The following FHDC1 variants were observed in gnomAD, a reference collection of about 807,000 sequenced individuals.
The protein encoded by FHDC1 is FH2 domain-containing protein 1.
FHDC1 carries 25 observed loss-of-function variants against 52.6 expected under a neutral mutation model. That is an observed-to-expected ratio of 0.48 (90% confidence interval 0.35 to 0.66). The LOEUF is 0.66. FHDC1 is among the 30% of genes least tolerant of loss of function. The pLI is 0.01. For missense variants in FHDC1, 1,459 were observed against 1,452.8 expected (o/e 1.00, Z -0.07); for synonymous variants, 616 against 581.5 (o/e 1.06, Z -0.85).
the FHDC1 span, among the ~76,000 whole-genome samples, chr4:152,916,275 T>G: frequency 6.6e-6 from 1 of 152,298 alleles, no homozygotes; most frequent in African/African-American, 2.4e-5. Context: ...GAACTTATGT[T>G]TTTTTAGGTA....
intron 1 of FHDC1, among the ~76,000 whole-genome samples, chr4:152,942,443 G>T (rs954927336): frequency 6.6e-6 from 1 of 152,100 alleles, no homozygotes; most frequent in Non-Finnish European, 1.5e-5. Context: ...ATCTCCAAAT[G>T]CCCTGTCTTA....
intron 4 of FHDC1, among the ~76,000 whole-genome samples, chr4:152,959,544 A>G (rs1465425016): frequency 1.3e-5 from 2 of 152,234 alleles, no homozygotes; most frequent in Non-Finnish European, 2.9e-5. Context: ...AAAATAGCAG[A>G]CAACTGTAAT....
At chr4:152,940,677 T>C (rs1264709038) in intron 1 of FHDC1, among the ~76,000 whole-genome samples, 1 of 152,236 alleles carries the variant, frequency 6.6e-6, no homozygotes, top group Admixed American at 6.5e-5. Flanking sequence ...TTATCACCAT[T>C]CTTAACAGGG....
At chr4:152,967,072 A>G (rs1044504660) in intron 9 of FHDC1, among the ~76,000 whole-genome samples, 6 of 152,098 alleles carry the variant, frequency 3.9e-5, no homozygotes, top group African/African-American at 1.4e-4. Context: ...GTGAGCCATG[A>G]TCTTGCCACT....
At chr4:152,920,130 T>G in the FHDC1 span, among the ~76,000 whole-genome samples, 3 of 151,910 alleles carry the variant, frequency 2.0e-5, no homozygotes, top group African/African-American at 7.3e-5. Flanking sequence ...TGTATTTTAG[T>G]AGAGACAGGG....
chr4:152,976,222 C>G lies in FHDC1; in HGVS notation c.2931C>G (p.Pro977=). ...CGGGGAGGGACGTTCCCCTGCAGCC[C>G]AGGGGTTCTTTCAAGAAGCCCAGTG... The part of the protein sequence containing the change: ...TRPGRDVPLQ[P]RGSFKKPSAK... Residue 977 remains proline (P), a synonymous_variant, in exon 12 of 12, where the codon CCC becomes CCG. Coordinates refer to ENST00000511601, the MANE Select transcript of FHDC1 (RefSeq NM_001371116.1). 6.2e-7 allele frequency: 1 copy of G among 1,613,070 alleles called. No individual in the cohort carries two copies. The highest frequency in any genetic ancestry group is 8.5e-7 in the Non-Finnish European group (1 of 1,179,878).
In FHDC1 at chr4:152,979,076, G is replaced by A. The variant is rs1740995242; in HGVS notation, c.*2353G>A. 6.6e-6 allele frequency: 1 copy of A among 152,270 alleles called. No individual in the cohort carries two copies. The highest frequency in any genetic ancestry group is 2.4e-5 in the African/African-American group (1 of 41,458). 9.4% of individuals were successfully genotyped at this position (152,270 alleles called of 1,614,324 possible). A position where few individuals can be genotyped will look rare whatever the true frequency, so the allele number is the denominator to read the frequency against. ...GGAAAATGGATGCAAGTGATTCTAA[G>A]TTTGTGGATTTGTGGATAGCAGAGG... On this transcript the variant is annotated 3_prime_UTR_variant, in exon 12 of 12. Transcript: ENST00000511601.
the FHDC1 span, among the ~76,000 whole-genome samples, chr4:152,914,184 TTAAAA>T: frequency 6.6e-5 from 10 of 152,222 alleles, no homozygotes; most frequent in African/African-American, 2.2e-4. Context: ...GCAGGACCTA[TTAAAA>T]TAGGACAATG....
At chr4:152,934,920 GA>G (rs1206506014), upstream of FHDC1, among the ~76,000 whole-genome samples, 1 of 152,164 alleles carries the variant, frequency 6.6e-6, no homozygotes, top group East Asian at 1.9e-4. Flanking sequence ...GACAGTAAGA[GA>G]AAAGAAGATG....
At chr4:152,939,813 G>A (rs1439966807) in intron 1 of FHDC1, among the ~76,000 whole-genome samples, 1 of 152,146 alleles carries the variant, frequency 6.6e-6, no homozygotes, top group Non-Finnish European at 1.5e-5. Flanking sequence ...TCATCCTGTT[G>A]CTGAGGTTTC....
At chr4:152,944,378 C>T (rs1188625800) in intron 2 of FHDC1, among the ~76,000 whole-genome samples, 1 of 151,828 alleles carries the variant, frequency 6.6e-6, no homozygotes, top group Admixed American at 6.6e-5. Flanking sequence ...GCTGCCCCGC[C>T]CACATGCACA....
chr4:152,964,242 A>G (rs1178570017), intron 8 of FHDC1, among the ~76,000 whole-genome samples: 1 of 152,172 alleles, frequency 6.6e-6, no homozygotes, highest in Admixed American at 6.5e-5. Context: ...TATTATTACT[A>G]TATTCTTCAG....
In FHDC1 at chr4:152,957,599, G is replaced by GCA. The variant is rs1403287160; in HGVS notation, c.664-2965_664-2964insAC. Among the ~76,000 whole-genome samples, 17 of 152,370 alleles carry GCA rather than the reference G, an allele frequency of 1.1e-4. No homozygotes were observed. In the South Asian group the frequency reaches 3.1e-3, roughly 28 times the overall value. ...CCCGCCTCGCGCTGCTGGCCTGCCA[G>GCA]CCTTTTCATCACCTCTGCTATCACA... On this transcript the variant is annotated intron_variant, in intron 4 of 11. Coordinates refer to ENST00000511601, the MANE Select transcript of FHDC1 (RefSeq NM_001371116.1).
intron 7 of FHDC1, 56 bp downstream of exon 7, chr4:152,962,940 G>GGTGTGT (rs34181980): frequency 0.044 from 41,177 of 926,518 alleles, 505 homozygotes; most frequent in African/African-American, 0.098. Flanking sequence ...TCTATCTAAA[G>GGTGTGT]GTGTGTGTGT....
chr4:152,925,840 G>A, the FHDC1 span, among the ~76,000 whole-genome samples: 1 of 143,796 alleles, frequency 7.0e-6, no homozygotes, highest in East Asian at 2.1e-4. Context: ...GGGAGAAGGA[G>A]AAGAAGGAGA....
rs2149966685 is a variant in FHDC1 at position 152,979,240 on chromosome 4, T to C, written c.*2517T>C. 6.6e-6 allele frequency: 1 copy of C among 152,332 alleles called. No individual in the cohort carries two copies. The highest frequency in any genetic ancestry group is 2.1e-4 in the South Asian group (1 of 4,828). 9.4% of individuals were successfully genotyped at this position (152,332 alleles called of 1,614,324 possible). ...CACAGATGTGGGGCCATGGCCTCGA[T>C]GATGGTCTCCACAGGTCTTTCCACC... On this transcript the variant is annotated 3_prime_UTR_variant, in exon 12 of 12. Transcript: ENST00000511601.
At chr4:152,931,945 A>C (rs534391419), upstream of FHDC1, among the ~76,000 whole-genome samples, 1 of 59,712 alleles carries the variant, frequency 1.7e-5, no homozygotes, top group South Asian at 5.7e-4. Context: ...TAAAAAAAAA[A>C]AAAAAAAAAA....
chr4:152,967,958 A>G, intron 9 of FHDC1, 22 bp from the exon 10 acceptor site: 1 of 1,584,578 alleles, frequency 6.3e-7, no homozygotes, highest in East Asian at 2.2e-5. Flanking sequence ...CCAACTGCCC[A>G]CTCTCCCCTT....
At chr4:152,974,584 ATCTT>A in intron 11 of FHDC1, 87 bp from the exon 12 acceptor site, 2 of 1,471,962 alleles carry the variant, frequency 1.4e-6, no homozygotes, top group Non-Finnish European at 1.8e-6. Flanking sequence ...CCATGCCTGT[ATCTT>A]TCTTTGGCTC....
Sources: allele counts gnomAD v4.1 joint callset (sites outside exome capture counted in the v4.1 genomes callset), GRCh38; gene constraint gnomAD v4.1.1; transcripts MANE v1.5; gene names NCBI Gene and HGNC (gene_info 2026-07-23, HGNC 2026-07-21).